UNC5D: variants seen among roughly 807,000 people sequenced by gnomAD.
UNC5D encodes the protein netrin receptor UNC5D.
UNC5D carries 39 observed loss-of-function variants against 105.4 expected under a neutral mutation model. The observed-to-expected ratio is 0.37, with a 90% CI of 0.29 to 0.48. The LOEUF (loss-of-function observed/expected upper bound fraction) is 0.48, where lower values mean the gene tolerates loss of function less well. Among genes scored for constraint, UNC5D ranks in the 20% least tolerant of loss-of-function variants. The probability of loss-of-function intolerance (pLI) is 0.98; values close to 1 mark genes in which losing one functional copy is unlikely to be tolerated. For synonymous variants in UNC5D, 452 were observed against 450.4 expected, an observed-to-expected ratio of 1.00 and a Z score of -0.04; for missense variants, 991 against 1,202.4, an observed-to-expected ratio of 0.82 and a Z score of 2.60.
intron 4 of UNC5D, among the ~76,000 whole-genome samples, chr8:35,638,507 T>G (rs1822519445): frequency 6.6e-6 from 1 of 152,000 alleles, no homozygotes; most frequent in Non-Finnish European, 1.5e-5. Flanking sequence ...AGATTTAACA[T>G]AATTTGGCAA....
intron 13 of UNC5D, 140 bp downstream of exon 13, chr8:35,750,949 T>G (rs1226214410): frequency 2.2e-6 from 2 of 927,206 alleles, no homozygotes; most frequent in Non-Finnish European, 3.3e-6. Flanking sequence ...GGGTTCACCT[T>G]GCCTGCTGCC....
At position 35,392,313 on chromosome 8, in the gene UNC5D, C is replaced by T. The variant is rs371776904; in HGVS notation, c.103+156426C>T. Among the ~76,000 whole-genome samples the T allele has an allele frequency of 2.6e-5, 4 of 152,296 alleles. No homozygotes were observed. The South Asian group carries it at 6.2e-4, about 24-fold the overall frequency. ...CCTCAAATTCCTGGGCCCTAGGCAA[C>T]TGACCCTCCCACCTCGGCCTCTCCA... On this transcript the variant is annotated intron_variant, in intron 1 of 16. Transcript: ENST00000404895.
At chr8:35,508,924 T>C (rs978814098) in intron 1 of UNC5D, among the ~76,000 whole-genome samples, 3 of 152,242 alleles carry the variant, frequency 2.0e-5, no homozygotes, top group Admixed American at 6.5e-5. Flanking sequence ...TTTGATTTAG[T>C]GAGCATTTTG....
chr8:35,490,353 A>C (rs1811128932), intron 1 of UNC5D, among the ~76,000 whole-genome samples: 1 of 152,130 alleles, frequency 6.6e-6, no homozygotes, highest in Admixed American at 6.6e-5. Context: ...TTTTTTTAAA[A>C]TTATCCATCT....
intron 1 of UNC5D, among the ~76,000 whole-genome samples, chr8:35,439,755 T>A (rs940146033): frequency 3.6e-4 from 55 of 152,026 alleles, no homozygotes; most frequent in African/African-American, 1.3e-3. Context: ...CTTCTAAATA[T>A]GGAAAGTCGT....
rs1317007439 is a variant in UNC5D at position 35,595,643 on chromosome 8, G to A, written c.556G>A (p.Val186Ile). 1.2e-6 allele frequency: 2 copies of A among 1,614,034 alleles called. No homozygotes were observed. The highest frequency in any genetic ancestry group is 4.5e-5 in the East Asian group (2 of 44,876). Residue 186 changes from valine to isoleucine, a missense_variant, in exon 4 of 17, where the codon GTC becomes ATC. Around this residue, in one of 3 missense-constraint regions of UNC5D, gnomAD observed 944 missense variants for 1,131.6 expected, o/e 0.83. Coordinates refer to ENST00000404895, the MANE Select transcript of UNC5D (RefSeq NM_080872.4). The part of the protein sequence containing the change: ...IVLHCRPPEG[V>I]PAAEVEWLKN... ...ACTGCACTGCCGCCCACCAGAGGGA[G>A]TCCCTGCTGCCGAGGTAAGACAGGA...
At chr8:35,761,237 C>T (rs1801517262) in intron 14 of UNC5D, among the ~76,000 whole-genome samples, 1 of 152,176 alleles carries the variant, frequency 6.6e-6, no homozygotes, top group Non-Finnish European at 1.5e-5. Flanking sequence ...GCAAATTCCT[C>T]TGTATTAATC....
At chr8:35,495,574 G>A (rs941661323) in intron 1 of UNC5D, among the ~76,000 whole-genome samples, 5 of 151,350 alleles carry the variant, frequency 3.3e-5, no homozygotes, top group African/African-American at 1.2e-4. Flanking sequence ...GTACAAGCTT[G>A]ATGTAGAGAT....
At chr8:35,693,324 G>A (rs191365915) in intron 7 of UNC5D, among the ~76,000 whole-genome samples, 12 of 152,188 alleles carry the variant, frequency 7.9e-5, no homozygotes, top group East Asian at 3.9e-4. Flanking sequence ...ACAAATTACC[G>A]TAACGCTTCT....
At chr8:35,608,073 A>G (rs1368120125) in intron 4 of UNC5D, among the ~76,000 whole-genome samples, 3 of 152,158 alleles carry the variant, frequency 2.0e-5, no homozygotes, top group Non-Finnish European at 2.9e-5. Context: ...GCAAAGACCC[A>G]ATTACCAAAT....
intron 1 of UNC5D, among the ~76,000 whole-genome samples, chr8:35,479,574 G>A (rs1194227698): frequency 6.6e-6 from 1 of 151,660 alleles, no homozygotes; most frequent in Non-Finnish European, 1.5e-5. Flanking sequence ...TAAAGAAAAT[G>A]TGGTGCATAT....
intron 9 of UNC5D, chr8:35,724,297 A>T: frequency 1.3e-6 from 2 of 1,534,718 alleles, no homozygotes; most frequent in Non-Finnish European, 8.7e-7. Flanking sequence ...CCTTTGGTAA[A>T]TGCCACTCTC....
chr8:35,256,964 TTTTTTTTTTTTG>T (rs1226407705), intron 1 of UNC5D, among the ~76,000 whole-genome samples: 3 of 146,270 alleles, frequency 2.1e-5, no homozygotes, highest in Non-Finnish European at 4.5e-5. Context: ...TTTTTGTTTT[TTTTTTTTTTTTG>T]TTTTTTGTTT....
At chr8:35,536,651 T>C (rs2130596403) in intron 1 of UNC5D, among the ~76,000 whole-genome samples, 2 of 152,332 alleles carry the variant, frequency 1.3e-5, no homozygotes, top group Admixed American at 1.3e-4. Context: ...AATCCAAAAT[T>C]CTTTTAAAAA....
At chr8:35,327,370 G>A (rs1335055940) in intron 1 of UNC5D, among the ~76,000 whole-genome samples, 1 of 152,172 alleles carries the variant, frequency 6.6e-6, no homozygotes, top group African/African-American at 2.4e-5. Context: ...CACATTGCAT[G>A]TTTGTTGACC....
intron 3 of UNC5D, among the ~76,000 whole-genome samples, chr8:35,573,165 C>G (rs1817865174): frequency 6.6e-6 from 1 of 152,194 alleles, no homozygotes; most frequent in Admixed American, 6.5e-5. Context: ...GTCTGTGGGA[C>G]ATACTTTTAG....
chr8:35,641,386 G>GAAAAAAAAAAAAAAAAAAAAAAAGA (rs1209560462), intron 4 of UNC5D, among the ~76,000 whole-genome samples: 1 of 91,846 alleles, frequency 1.1e-5, no homozygotes, highest in African/African-American at 4.1e-5. Context: ...AAAAAAAAAA[G>GAAAAAAAAAAAAAAAAAAAAAAAGA]AAAAAAAAAA....
rs530099911 is a variant in UNC5D, at chr8:35,600,996, C to T, written c.570+5339C>T. ...TTTGTATAAGGTGTAAGGAAGGGAT[C>T]GAGTTTCAGCTTTCTACATATGGCT... On this transcript the variant is annotated intron_variant, in intron 4 of 16. Transcript: ENST00000404895. Among the ~76,000 whole-genome samples, 12 of 152,008 alleles carry T rather than the reference C, an allele frequency of 7.9e-5. No homozygotes were observed. The South Asian group carries it at 2.5e-3, about 32-fold the overall frequency.
chr8:35,472,621 G>T (rs1160821349), intron 1 of UNC5D, among the ~76,000 whole-genome samples: 1 of 152,114 alleles, frequency 6.6e-6, no homozygotes, highest in African/African-American at 2.4e-5. Flanking sequence ...ATAAAATAGT[G>T]CATGACATTT....
Sources: allele counts gnomAD v4.1 joint callset (sites outside exome capture counted in the v4.1 genomes callset), GRCh38; gene constraint gnomAD v4.1.1; regional missense constraint gnomAD v4.1.1; transcripts MANE v1.5; gene names NCBI Gene and HGNC (gene_info 2026-07-23, HGNC 2026-07-21).